SPC25: variants seen among roughly 807,000 people sequenced by gnomAD.
SPC25 encodes the protein kinetochore protein Spc25.
A neutral mutation model predicts 29.6 loss-of-function variants in SPC25; 22 were observed. The observed-to-expected ratio is 0.74, with a 90% CI of 0.53 to 1.06. SPC25 has a LOEUF of 1.06. Ranked by LOEUF, SPC25 falls within the 50% of genes least tolerant of loss-of-function variation. The pLI is 0.00. For missense variants in SPC25, 230 were observed against 255.8 expected (o/e 0.90, Z 0.69); for synonymous variants, 91 against 90.4 (o/e 1.01, Z -0.04).
At chr2:168,878,608 T>A (rs1211511793) in intron 3 of SPC25, among the ~76,000 whole-genome samples, 1 of 152,184 alleles carries the variant, frequency 6.6e-6, no homozygotes, top group Non-Finnish European at 1.5e-5. Flanking sequence ...TTTCATTATA[T>A]GTAGACAATA....
At chr2:168,865,561 C>T (rs138295865) in intron 4 of SPC25, 1 of 152,568 alleles carries the variant, frequency 6.6e-6, no homozygotes, top group Admixed American at 6.5e-5. Context: ...AAAACTGGCA[C>T]AAGACAGGAA....
At chr2:168,876,039 TCTC>T (rs976775121) in intron 5 of SPC25, 30 bp downstream of exon 5, 5 of 1,195,158 alleles carry the variant, frequency 4.2e-6, no homozygotes, top group Non-Finnish European at 4.5e-6. Flanking sequence ...ACTTTTGTAA[TCTC>T]CTATATTTTA....
chr2:168,875,127 T>C lies in SPC25; in HGVS notation c.451+945A>G, dbSNP rs141724017. 7.6e-4 allele frequency among the ~76,000 whole-genome samples: 115 copies of C among 152,178 alleles called. 3 individuals carry two copies. In the East Asian group the frequency reaches 0.017, roughly 22 times the overall value. ...TCTATGAAAAACCATGCAAAGAAAATGGGAAAGTCTATGCTCACTGGTTTA... is the reference window on the plus strand; with the variant it reads ...TCTATGAAAAACCATGCAAAGAAAACGGGAAAGTCTATGCTCACTGGTTTA... On this transcript the variant is annotated intron_variant, in intron 5 of 6. Transcript: ENST00000282074.
chr2:168,889,052 TATATAC>T (rs1469665722), intron 3 of SPC25, among the ~76,000 whole-genome samples, 168 bp downstream of exon 3: 7 of 101,330 alleles, frequency 6.9e-5, no homozygotes, highest in Admixed American at 1.1e-4. Context: ...TATACACATA[TATATAC>T]ATATATATAT....
At chr2:168,866,326 A>G (rs1689850761), downstream of SPC25, among the ~76,000 whole-genome samples, 1 of 152,306 alleles carries the variant, frequency 6.6e-6, no homozygotes, top group Non-Finnish European at 1.5e-5. Flanking sequence ...AATCCCGCAT[A>G]TCTACAACTA....
At chr2:168,884,878 G>A (rs994071591) in intron 3 of SPC25, 2 of 152,104 alleles carry the variant, frequency 1.3e-5, no homozygotes, top group Non-Finnish European at 2.9e-5. Context: ...ACTGAAGGAG[G>A]TGGTCAATGT....
chr2:168,870,550 T>C (rs1689959428), downstream of SPC25, among the ~76,000 whole-genome samples: 1 of 151,856 alleles, frequency 6.6e-6, no homozygotes, highest in South Asian at 2.1e-4. Flanking sequence ...GGGCGAAGGA[T>C]ATGAACAGAC....
At chr2:168,876,552 C>A (rs1286059721) in intron 4 of SPC25, among the ~76,000 whole-genome samples, 1 of 150,018 alleles carries the variant, frequency 6.7e-6, no homozygotes, top group Admixed American at 6.6e-5. Context: ...TTTAACATAA[C>A]TATTTCTTAT....
intron 1 of SPC25, among the ~76,000 whole-genome samples, chr2:168,889,771 C>T (rs186535043): frequency 2.6e-5 from 4 of 152,272 alleles, no homozygotes; most frequent in Non-Finnish European, 5.9e-5. Flanking sequence ...TGTAACTGCA[C>T]AGGACACTCA....
rs74810005 is a variant in SPC25, at chr2:168,881,781, G to A, written c.200-4397C>T. On this transcript the variant is annotated intron_variant, in intron 3 of 6. Coordinates refer to ENST00000282074, the MANE Select transcript of SPC25 (RefSeq NM_020675.4). ...AAGTAAATATGTGCTCCAAGGATGA[G>A]TAATCTTTTTCTCAAAGTTAAACAA... Among the ~76,000 whole-genome samples the A allele has an allele frequency of 2.2e-3, 329 of 152,264 alleles. 4 individuals carry two copies. Among genetic ancestry groups the A allele is most frequent in the African/African-American group, 7.5e-3 (313 of 41,554 alleles).
chr2:168,861,989 C>T, intron 4 of SPC25: 1 of 1,614,176 alleles, frequency 6.2e-7, no homozygotes, highest in African/African-American at 1.3e-5. Context: ...CAGCAGCAGA[C>T]TTTGCAAGGC....
chr2:168,883,856 C>T (rs535526257), intron 3 of SPC25, among the ~76,000 whole-genome samples: 9 of 151,836 alleles, frequency 5.9e-5, no homozygotes, highest in Admixed American at 2.0e-4. Context: ...CTGCAACCTC[C>T]GCCTCCTGGG....
chr2:168,877,196 A>G (rs1433330836), intron 4 of SPC25, 42 bp downstream of exon 4: 1 of 1,600,940 alleles, frequency 6.2e-7, no homozygotes, highest in Non-Finnish European at 8.5e-7. Context: ...AACCGTCACC[A>G]CTTTCCATTT....
At chr2:168,879,945 C>T (rs1690148609) in intron 3 of SPC25, among the ~76,000 whole-genome samples, 1 of 152,146 alleles carries the variant, frequency 6.6e-6, no homozygotes, top group South Asian at 2.1e-4. Flanking sequence ...GAGTAGAAGG[C>T]CTCAACAGTG....
chr2:168,881,509 A>G (rs976307499), intron 3 of SPC25, among the ~76,000 whole-genome samples: 1 of 152,258 alleles, frequency 6.6e-6, no homozygotes, highest in Non-Finnish European at 1.5e-5. Flanking sequence ...TAGACAAAGC[A>G]GGAAGGCACA....
downstream of SPC25, among the ~76,000 whole-genome samples, chr2:168,869,938 G>A (rs1391803360): frequency 6.6e-6 from 1 of 152,046 alleles, no homozygotes; most frequent in Non-Finnish European, 1.5e-5. Context: ...GAGGCATCAC[G>A]CTACCTGACT....
At chr2:168,865,308 A>G in intron 4 of SPC25, 1 of 203,584 alleles carries the variant, frequency 4.9e-6, no homozygotes. Flanking sequence ...GTTATCTGGT[A>G]GACAACAGCA....
downstream of SPC25, among the ~76,000 whole-genome samples, chr2:168,867,760 C>A (rs1689894820): frequency 6.6e-6 from 1 of 151,584 alleles, no homozygotes; most frequent in African/African-American, 2.4e-5. Context: ...TAATGGGAGA[C>A]TTTAACACCC....
intron 4 of SPC25, among the ~76,000 whole-genome samples, chr2:168,862,282 C>T (rs1423129897): frequency 6.6e-6 from 1 of 152,180 alleles, no homozygotes; most frequent in Non-Finnish European, 1.5e-5. Flanking sequence ...ATTTAATATT[C>T]ATGAAACCCT....
Sources: allele counts gnomAD v4.1 joint callset (sites outside exome capture counted in the v4.1 genomes callset), GRCh38; gene constraint gnomAD v4.1.1; transcripts MANE v1.5; gene names NCBI Gene and HGNC (gene_info 2026-07-23, HGNC 2026-07-21).